Variants in PAFAH2 observed in about 807,000 individuals in gnomAD.
The protein encoded by PAFAH2 is platelet-activating factor acetylhydrolase 2, cytoplasmic.
Under a neutral mutation model 49.0 loss-of-function variants are expected in PAFAH2, and 42 were observed. The ratio of observed to expected loss-of-function variants is 0.86; its 90% CI spans 0.67 to 1.11. The LOEUF (loss-of-function observed/expected upper bound fraction) is 1.11. Ranked by LOEUF, PAFAH2 falls within the 50% of genes least tolerant of loss-of-function variation. PAFAH2 has a pLI of 0.00. For missense variants in PAFAH2, 503 were observed against 501.8 expected (o/e 1.00, Z -0.02); for synonymous variants, 184 against 181.3 (o/e 1.01, Z -0.12).
intron 1 of PAFAH2, among the ~76,000 whole-genome samples, chr1:25,996,141 A>G (rs1349136547): frequency 1.3e-5 from 2 of 152,162 alleles, no homozygotes; most frequent in Non-Finnish European, 2.9e-5. Context: ...GGATTGCTTC[A>G]GCCCAGGAGT....
chr1:25,981,916 G>A (rs1392380356), intron 7 of PAFAH2, among the ~76,000 whole-genome samples: 2 of 152,030 alleles, frequency 1.3e-5, no homozygotes, highest in South Asian at 2.1e-4. Context: ...AGAAACTCAG[G>A]AGGCTGAGGC....
intron 10 of PAFAH2, among the ~76,000 whole-genome samples, chr1:25,962,644 C>T (rs1468185399): frequency 6.6e-6 from 1 of 151,876 alleles, no homozygotes; most frequent in Non-Finnish European, 1.5e-5. Flanking sequence ...GGCAACGTAG[C>T]AAGACCTCAA....
intron 8 of PAFAH2, among the ~76,000 whole-genome samples, chr1:25,976,283 C>T (rs1455781810): frequency 6.6e-6 from 1 of 151,966 alleles, no homozygotes; most frequent in African/African-American, 2.4e-5. Flanking sequence ...GGACTACAGG[C>T]ATGCACTATC....
chr1:25,982,224 A>T, intron 7 of PAFAH2, 140 bp downstream of exon 7: 2 of 621,640 alleles, frequency 3.2e-6, no homozygotes, highest in South Asian at 1.9e-5. Context: ...CACTGGCCTA[A>T]AGTTGGCCTT....
At chr1:25,993,441 G>A (rs1311141898) in intron 1 of PAFAH2, among the ~76,000 whole-genome samples, 1 of 152,134 alleles carries the variant, frequency 6.6e-6, no homozygotes, top group Non-Finnish European at 1.5e-5. Context: ...GAGAGATTAA[G>A]TGAGCTGCTC....
intron 9 of PAFAH2, among the ~76,000 whole-genome samples, chr1:25,973,595 T>C (rs949519801): frequency 6.6e-6 from 1 of 152,140 alleles, no homozygotes; most frequent in African/African-American, 2.4e-5. Context: ...TCAGGCAGTG[T>C]CTACTGCCAT....
At chr1:25,970,735 GCCA>G (rs1278485322) in intron 10 of PAFAH2, among the ~76,000 whole-genome samples, 1 of 151,994 alleles carries the variant, frequency 6.6e-6, no homozygotes, top group African/African-American at 2.4e-5. Flanking sequence ...ATAGGCACAT[GCCA>G]CCATACCTGG....
chr1:25,981,508 G>C (rs1288252603), intron 7 of PAFAH2, among the ~76,000 whole-genome samples: 5 of 152,140 alleles, frequency 3.3e-5, no homozygotes, highest in Non-Finnish European at 7.4e-5. Flanking sequence ...AGTGGACACA[G>C]GTTGTTTGCT....
chr1:25,990,867 G>A lies in PAFAH2; in HGVS notation c.-47-4C>T, dbSNP rs2049862798. On this transcript the variant is annotated splice_polypyrimidine_tract_variant and splice_region_variant and intron_variant, in intron 1 of 10. Coordinates refer to ENST00000374282, the MANE Select transcript of PAFAH2 (RefSeq NM_000437.4). ...TTGCCGGAGCTGAACTTGCTGGCTGGATGGGGGAACACAGAACAGCAGCCG... is the reference window on the plus strand; with the variant it reads ...TTGCCGGAGCTGAACTTGCTGGCTGAATGGGGGAACACAGAACAGCAGCCG... 6.8e-7 allele frequency: 1 copy of A among 1,470,712 alleles called. No homozygotes were observed. Among genetic ancestry groups the A allele is most frequent in the African/African-American group, 1.4e-5 (1 of 71,926 alleles). The allele number at this position is 1,470,712 out of a possible 1,614,324, so 91.1% of individuals were successfully genotyped here. A position where few individuals can be genotyped will look rare whatever the true frequency, so the allele number is the denominator to read the frequency against.
chr1:25,989,704 C>A (rs2049846127), intron 2 of PAFAH2, 103 bp from the exon 3 acceptor site: 1 of 910,840 alleles, frequency 1.1e-6, no homozygotes, highest in South Asian at 3.8e-5. Flanking sequence ...AACAGGGCAC[C>A]AAAACAGGGA....
chr1:25,987,346 A>C (rs2049797724), intron 4 of PAFAH2, among the ~76,000 whole-genome samples: 1 of 152,204 alleles, frequency 6.6e-6, no homozygotes, highest in African/African-American at 2.4e-5. Flanking sequence ...TGAGAGGCAA[A>C]AACAGATGCC....
chr1:25,990,684 C>T, intron 2 of PAFAH2, 43 bp downstream of exon 2: 1 of 1,481,036 alleles, frequency 6.8e-7, no homozygotes, highest in Non-Finnish European at 9.4e-7. Flanking sequence ...ACGGTGCCGG[C>T]AGAAGCAGTG....
At chr1:25,988,659 TG>T (rs1471700990) in intron 3 of PAFAH2, among the ~76,000 whole-genome samples, 1 of 151,426 alleles carries the variant, frequency 6.6e-6, no homozygotes, top group African/African-American at 2.4e-5. Context: ...AAAAATTAGC[TG>T]GGCGTGGTGG....
intron 10 of PAFAH2, among the ~76,000 whole-genome samples, chr1:25,970,862 TAC>T (rs1293839491): frequency 6.6e-6 from 1 of 152,054 alleles, no homozygotes; most frequent in Non-Finnish European, 1.5e-5. Flanking sequence ...TAGCTGGGAT[TAC>T]AGATGTTGAG....
intron 6 of PAFAH2, among the ~76,000 whole-genome samples, chr1:25,983,551 T>C (rs144536536): frequency 8.0e-5 from 9 of 112,902 alleles, no homozygotes; most frequent in Non-Finnish European, 1.6e-4. Flanking sequence ...AGCAAGATCC[T>C]GTCTCAAAAA....
intron 7 of PAFAH2, 123 bp downstream of exon 7, chr1:25,982,241 T>C: frequency 2.8e-6 from 2 of 708,502 alleles, no homozygotes; most frequent in Non-Finnish European, 4.9e-6. Context: ...CCTTTGATCT[T>C]CTTGATAGTT....
At chr1:25,969,884 C>T (rs533516848) in intron 10 of PAFAH2, among the ~76,000 whole-genome samples, 2 of 152,226 alleles carry the variant, frequency 1.3e-5, no homozygotes, top group East Asian at 3.9e-4. Context: ...AGTCAGGCGC[C>T]ATTAAAGTCT....
chr1:25,969,741 C>A (rs1170488639), intron 10 of PAFAH2, among the ~76,000 whole-genome samples: 1 of 152,284 alleles, frequency 6.6e-6, no homozygotes, highest in East Asian at 1.9e-4. Flanking sequence ...CAGTGAGTAT[C>A]TTAGCTCAAC....
rs868448489 is a variant in PAFAH2 at position 25,961,559 on chromosome 1, T to A, written c.*430A>T. On this transcript the variant is annotated 3_prime_UTR_variant, in exon 11 of 11. Transcript: ENST00000374282. ...GCTGAGAGGTAGGAAGAGATGGTGT[T>A]GGGCTGGGCTAGAGTCTCTGAAGGT... The A allele has an allele frequency of 6.5e-6, 1 of 154,520 alleles. No homozygotes were observed. The highest frequency in any genetic ancestry group is 1.4e-5 in the Non-Finnish European group (1 of 69,734). The allele number at this position is 154,520 out of a possible 1,614,324, so 9.6% of individuals were successfully genotyped here.
Sources: allele counts gnomAD v4.1 joint callset (sites outside exome capture counted in the v4.1 genomes callset), GRCh38; gene constraint gnomAD v4.1.1; transcripts MANE v1.5; gene names NCBI Gene and HGNC (gene_info 2026-07-23, HGNC 2026-07-21).